The following MYO3B variants were observed in gnomAD, a reference collection of about 807,000 sequenced individuals.
MYO3B encodes myosin-IIIb.
In MYO3B, 156 loss-of-function variants were observed where a neutral mutation model predicts 174.6. The ratio of observed to expected loss-of-function variants is 0.89; its 90% CI spans 0.78 to 1.02. The LOEUF is 1.02. Among genes scored for constraint, MYO3B ranks in the 50% least tolerant of loss-of-function variants. The pLI, the probability that MYO3B is intolerant of heterozygous loss-of-function variation, is 0.00. For missense variants in MYO3B, 1,632 were observed against 1,639.4 expected (o/e 1.00, Z 0.08); for synonymous variants, 563 against 569.1 (o/e 0.99, Z 0.15).
At chr2:170,215,335 C>T (rs888457514) in intron 5 of MYO3B, among the ~76,000 whole-genome samples, 3 of 152,164 alleles carry the variant, frequency 2.0e-5, no homozygotes, top group South Asian at 4.1e-4. Flanking sequence ...GAAACATTAA[C>T]GGGAAATGGA....
intron 30 of MYO3B, among the ~76,000 whole-genome samples, chr2:170,541,165 T>C (rs539171713): frequency 3.9e-5 from 6 of 152,304 alleles, no homozygotes; most frequent in Admixed American, 3.9e-4. Context: ...CTAGAGGAGT[T>C]GTCAAGAGGT....
chr2:170,195,224 C>T (rs1412537114), intron 1 of MYO3B, among the ~76,000 whole-genome samples: 1 of 152,034 alleles, frequency 6.6e-6, no homozygotes, highest in African/African-American at 2.4e-5. Context: ...CCCATGGCTC[C>T]AGTGGGAAGA....
chr2:170,263,225 T>C (rs1054675134), intron 7 of MYO3B, among the ~76,000 whole-genome samples: 10 of 152,120 alleles, frequency 6.6e-5, no homozygotes, highest in African/African-American at 1.9e-4. Context: ...GCATAGTGAG[T>C]GTCAATTGGA....
intron 7 of MYO3B, among the ~76,000 whole-genome samples, chr2:170,326,789 A>T (rs907445681): frequency 1.3e-5 from 2 of 152,208 alleles, no homozygotes; most frequent in African/African-American, 2.4e-5. Context: ...GTCAAGGATT[A>T]ATAGAGCTTG....
chr2:170,283,592 C>G (rs1209712435), intron 7 of MYO3B, among the ~76,000 whole-genome samples: 1 of 152,060 alleles, frequency 6.6e-6, no homozygotes, highest in Non-Finnish European at 1.5e-5. Flanking sequence ...CCTTTTTGGT[C>G]TTTTGGTCCT....
intron 30 of MYO3B, among the ~76,000 whole-genome samples, chr2:170,532,560 C>A (rs1218348746): frequency 6.6e-6 from 1 of 152,082 alleles, no homozygotes; most frequent in East Asian, 1.9e-4. Context: ...TGCCTGTAAT[C>A]CTAGCACTTT....
At chr2:170,568,788 A>G (rs1692235610) in intron 32 of MYO3B, among the ~76,000 whole-genome samples, 2 of 152,254 alleles carry the variant, frequency 1.3e-5, no homozygotes, top group Non-Finnish European at 2.9e-5. Context: ...TTAGATATTT[A>G]GATTCCAGAG....
At chr2:170,306,035 C>A (rs1407429372) in intron 7 of MYO3B, among the ~76,000 whole-genome samples, 2 of 152,176 alleles carry the variant, frequency 1.3e-5, no homozygotes, top group Non-Finnish European at 2.9e-5. Context: ...TGCTGGTAAC[C>A]AGTCCAGTCT....
intron 32 of MYO3B, chr2:170,601,782 T>C: frequency 7.6e-7 from 1 of 1,319,544 alleles, no homozygotes; most frequent in Non-Finnish European, 1.1e-6. Context: ...CCTTCAGCTT[T>C]GCAGCCTTCT....
chr2:170,468,490 A>G (rs1471611202), intron 25 of MYO3B, among the ~76,000 whole-genome samples: 2 of 152,098 alleles, frequency 1.3e-5, no homozygotes, highest in African/African-American at 4.8e-5. Flanking sequence ...CCAGTTCCCA[A>G]ATTACCCAAG....
intron 23 of MYO3B, among the ~76,000 whole-genome samples, chr2:170,453,455 A>ACACAC (rs1559016281): frequency 0.053 from 5,373 of 101,588 alleles, 108 homozygotes; most frequent in Middle Eastern, 0.093. Context: ...CACACACACG[A>ACACAC]GAGAGAGAGA....
At chr2:170,251,644 G>C (rs2093254859) in intron 7 of MYO3B, among the ~76,000 whole-genome samples, 2 of 152,182 alleles carry the variant, frequency 1.3e-5, no homozygotes, top group Admixed American at 1.3e-4. Context: ...AGGCAAGGAA[G>C]GATCCTTCCC....
intron 28 of MYO3B, among the ~76,000 whole-genome samples, chr2:170,509,922 C>T (rs747556329): frequency 2.6e-5 from 4 of 152,280 alleles, no homozygotes; most frequent in Admixed American, 6.5e-5. Context: ...AACAGCTGAA[C>T]GACAGCCGTT....
At chr2:170,602,904 T>G (rs796204277) in intron 32 of MYO3B, among the ~76,000 whole-genome samples, 1 of 151,996 alleles carries the variant, frequency 6.6e-6, no homozygotes, top group African/African-American at 2.4e-5. Context: ...CTGTCTCTAC[T>G]AAAAATATAA....
chr2:170,380,895 C>T (rs901827765), intron 9 of MYO3B, among the ~76,000 whole-genome samples: 1 of 152,148 alleles, frequency 6.6e-6, no homozygotes, highest in African/African-American at 2.4e-5. Context: ...GTGGCAGGAT[C>T]ACTTGAAGCC....
At chr2:170,234,974 C>G (rs2093054665) in intron 6 of MYO3B, among the ~76,000 whole-genome samples, 1 of 152,206 alleles carries the variant, frequency 6.6e-6, no homozygotes, top group Non-Finnish European at 1.5e-5. Flanking sequence ...AAAACATAAG[C>G]TAGATCTGTC....
At chr2:170,635,225 A>ATGAT (rs1488882775) in intron 32 of MYO3B, among the ~76,000 whole-genome samples, 1 of 152,242 alleles carries the variant, frequency 6.6e-6, no homozygotes, top group Non-Finnish European at 1.5e-5. Context: ...ATGTCCAACA[A>ATGAT]TGATAGACTG....
At position 170,351,864 on chromosome 2, in the gene MYO3B, C is replaced by T. The variant is rs542988074; in HGVS notation, c.815+16414C>T. 7.9e-4 allele frequency among the ~76,000 whole-genome samples: 121 copies of T among 152,292 alleles called. 2 individuals are homozygous for T. The highest frequency in any genetic ancestry group is 2.7e-3 in the African/African-American group (111 of 41,562). ...AAGGAAAACAATTTGGGATAAAATA[C>T]GTAAAAACTAACTCTAATCATACAG... On this transcript the variant is annotated intron_variant, in intron 8 of 34. Coordinates refer to ENST00000408978, the MANE Select transcript of MYO3B (RefSeq NM_138995.5).
At chr2:170,212,274 A>G (rs1428613444) in intron 3 of MYO3B, among the ~76,000 whole-genome samples, 1 of 150,370 alleles carries the variant, frequency 6.7e-6, no homozygotes, top group Non-Finnish European at 1.5e-5. Context: ...CTGGGGGAAG[A>G]ATCTCTTATT....
Sources: gnomAD v4.1 joint callset for allele counts (sites outside exome capture counted in the v4.1 genomes callset) on GRCh38, gnomAD v4.1.1 for gene constraint, MANE v1.5 for transcripts, NCBI Gene and HGNC (gene_info 2026-07-23, HGNC 2026-07-21) for gene names.